LUZP2: variants seen among roughly 807,000 people sequenced by gnomAD.
LUZP2 encodes leucine zipper protein 2.
LUZP2 carries 52 observed loss-of-function variants against 51.6 expected under a neutral mutation model. The observed-to-expected ratio is 1.01, with a 90% CI of 0.81 to 1.27. LUZP2 has a LOEUF of 1.27. LUZP2 is among the 50% of genes most tolerant of loss of function. LUZP2 has a pLI of 0.00. For missense variants in LUZP2, 436 were observed against 395.4 expected (o/e 1.10, Z -0.87); for synonymous variants, 154 against 137.3 (o/e 1.12, Z -0.85).
chr11:24,867,330 T>C (rs1016942297), intron 5 of LUZP2, among the ~76,000 whole-genome samples: 1 of 152,168 alleles, frequency 6.6e-6, no homozygotes, highest in African/African-American at 2.4e-5. Context: ...TCTTAAATTT[T>C]GCTATGTTGT....
chr11:25,044,451 A>C (rs532776818), intron 9 of LUZP2, among the ~76,000 whole-genome samples: 122 of 151,972 alleles, frequency 8.0e-4, no homozygotes, highest in African/African-American at 2.8e-3. Flanking sequence ...CACTGATGGC[A>C]AAGGCATGTA....
At chr11:24,975,611 T>C (rs1855863166) in intron 7 of LUZP2, among the ~76,000 whole-genome samples, 1 of 152,068 alleles carries the variant, frequency 6.6e-6, no homozygotes, top group South Asian at 2.1e-4. Flanking sequence ...ATAATGGAAC[T>C]TCCAACTCTT....
intron 9 of LUZP2, among the ~76,000 whole-genome samples, chr11:25,018,250 A>T (rs938840438): frequency 6.6e-6 from 1 of 152,118 alleles, no homozygotes; most frequent in African/African-American, 2.4e-5. Context: ...TGGCATTGAC[A>T]AACAGAGAGT....
intron 5 of LUZP2, among the ~76,000 whole-genome samples, chr11:24,855,163 T>C (rs1015620992): frequency 6.6e-6 from 1 of 152,112 alleles, no homozygotes; most frequent in African/African-American, 2.4e-5. Flanking sequence ...ATATAAAGGA[T>C]CTAAATTAGA....
intron 1 of LUZP2, among the ~76,000 whole-genome samples, chr11:24,663,318 T>G (rs952834210): frequency 6.6e-6 from 1 of 152,146 alleles, no homozygotes; most frequent in Non-Finnish European, 1.5e-5. Flanking sequence ...CTTTGTTCTC[T>G]CTTTCTCCTG....
intron 1 of LUZP2, among the ~76,000 whole-genome samples, chr11:24,603,121 A>G (rs1379353608): frequency 6.6e-6 from 1 of 151,786 alleles, no homozygotes; most frequent in Non-Finnish European, 1.5e-5. Context: ...CAAGCAGTAT[A>G]TTTGGTTTCA....
At chr11:24,974,821 A>G (rs1855840502) in intron 7 of LUZP2, among the ~76,000 whole-genome samples, 1 of 152,098 alleles carries the variant, frequency 6.6e-6, no homozygotes, top group South Asian at 2.1e-4. Flanking sequence ...TATCCAAAGC[A>G]TATTGAGCAA....
intron 5 of LUZP2, among the ~76,000 whole-genome samples, chr11:24,894,240 T>G (rs1852958080): frequency 6.7e-6 from 1 of 149,064 alleles, no homozygotes; most frequent in African/African-American, 2.5e-5. Flanking sequence ...AATGACATGG[T>G]CTTGACTCAC....
chr11:24,712,998 C>T (rs973278479), intron 1 of LUZP2, among the ~76,000 whole-genome samples: 2 of 152,172 alleles, frequency 1.3e-5, no homozygotes, highest in Non-Finnish European at 2.9e-5. Context: ...GACCTTACTT[C>T]CCCAGAAGAG....
intron 5 of LUZP2, among the ~76,000 whole-genome samples, chr11:24,780,306 G>A (rs1564882559): frequency 6.6e-6 from 1 of 152,154 alleles, no homozygotes; most frequent in Non-Finnish European, 1.5e-5. Context: ...AAGTACCCAT[G>A]TGTTTTATCT....
At chr11:24,633,960 G>A (rs61875688) in intron 1 of LUZP2, among the ~76,000 whole-genome samples, 30,304 of 134,842 alleles carry the variant, frequency 0.22, 3,374 homozygotes, top group African/African-American at 0.28. Context: ...GTGTGTGTGT[G>A]TGTGTATATA....
chr11:24,555,698 G>T (rs1193906161), intron 1 of LUZP2, among the ~76,000 whole-genome samples: 1 of 152,166 alleles, frequency 6.6e-6, no homozygotes, highest in Non-Finnish European at 1.5e-5. Flanking sequence ...ATCCAAGGCT[G>T]GCCATGGTGG....
At chr11:24,590,790 A>G (rs1590215043) in intron 1 of LUZP2, among the ~76,000 whole-genome samples, 1 of 152,162 alleles carries the variant, frequency 6.6e-6, no homozygotes, top group East Asian at 1.9e-4. Flanking sequence ...TTTTTCCCCC[A>G]TGAATATCTT....
intron 5 of LUZP2, among the ~76,000 whole-genome samples, chr11:24,867,986 G>A (rs1218286962): frequency 6.6e-6 from 1 of 152,110 alleles, no homozygotes; most frequent in Non-Finnish European, 1.5e-5. Context: ...TATATAGAAT[G>A]TAAGTTTTCT....
intron 8 of LUZP2, among the ~76,000 whole-genome samples, chr11:24,980,322 A>T (rs998450516): frequency 1.1e-4 from 16 of 151,766 alleles, no homozygotes; most frequent in African/African-American, 1.7e-4. Flanking sequence ...CACCAAAAAA[A>T]TCTACCTCCT....
chr11:24,955,205 T>TA (rs957254297), intron 7 of LUZP2, among the ~76,000 whole-genome samples: 4 of 151,488 alleles, frequency 2.6e-5, no homozygotes, highest in Admixed American at 6.6e-5. Context: ...TAGTGAGGAA[T>TA]AAAAAAAAAT....
At chr11:24,734,221 A>G (rs1034364652) in intron 3 of LUZP2, among the ~76,000 whole-genome samples, 3 of 149,706 alleles carry the variant, frequency 2.0e-5, no homozygotes, top group African/African-American at 4.9e-5. Flanking sequence ...AAAAGAAAAT[A>G]AAGTCAGCCT....
intron 1 of LUZP2, among the ~76,000 whole-genome samples, chr11:24,713,054 A>T (rs1392593832): frequency 6.6e-6 from 1 of 152,146 alleles, no homozygotes; most frequent in Admixed American, 6.5e-5. Context: ...ATTCTGCCAC[A>T]CATCTACAAT....
rs78679360 is a variant in LUZP2 at position 24,656,128 on chromosome 11, G to C, written c.63-73041G>C. 5.6e-3 allele frequency among the ~76,000 whole-genome samples: 845 copies of C among 152,220 alleles called. 40 individuals carry two copies. In the East Asian group the frequency reaches 0.11, roughly 20 times the overall value. ...TCTATCATTCCTGAAACAGAAATAGGTAACTCAAAATGAAGTTAAATCTAT... is the reference window on the plus strand; with the variant it reads ...TCTATCATTCCTGAAACAGAAATAGCTAACTCAAAATGAAGTTAAATCTAT... On this transcript the variant is annotated intron_variant, in intron 1 of 11. Coordinates refer to ENST00000336930, the MANE Select transcript of LUZP2 (RefSeq NM_001009909.4).
Sources: gnomAD v4.1 joint callset for allele counts (sites outside exome capture counted in the v4.1 genomes callset) on GRCh38, gnomAD v4.1.1 for gene constraint, MANE v1.5 for transcripts, NCBI Gene and HGNC (gene_info 2026-07-23, HGNC 2026-07-21) for gene names.